Variants in ZNF618 observed in about 807,000 individuals in gnomAD.
ZNF618 encodes neural precursor cell expressed, developmentally down-regulated 10.
A neutral mutation model predicts 103.0 loss-of-function variants in ZNF618; 34 were observed. The ratio of observed to expected loss-of-function variants is 0.33; its 90% confidence interval spans 0.25 to 0.44. The LOEUF is 0.44. Among genes scored for constraint, ZNF618 ranks in the 20% least tolerant of loss-of-function variants. ZNF618 has a pLI of 1.00. For missense variants in ZNF618, 1,059 were observed against 1,295.4 expected, an observed-to-expected ratio of 0.82 and a Z score of 2.80; for synonymous variants, 551 against 542.2, an observed-to-expected ratio of 1.02 and a Z score of -0.23.
chr9:114,004,008 C>T (rs532267648), intron 6 of ZNF618, among the ~76,000 whole-genome samples: 6 of 152,214 alleles, frequency 3.9e-5, no homozygotes, highest in East Asian at 3.9e-4. Context: ...TGCCAATCCC[C>T]GTTCTATGGG....
chr9:114,031,146 C>T (rs1843992294), intron 11 of ZNF618, among the ~76,000 whole-genome samples: 1 of 152,176 alleles, frequency 6.6e-6, no homozygotes, highest in Non-Finnish European at 1.5e-5. Context: ...CCTCACAGGG[C>T]TTTTGGGAGA....
intron 10 of ZNF618, among the ~76,000 whole-genome samples, chr9:114,026,444 T>C (rs1235054847): frequency 1.3e-5 from 2 of 152,208 alleles, no homozygotes; most frequent in African/African-American, 4.8e-5. Context: ...GTAGACTCTG[T>C]AACGGGCTGA....
At chr9:113,953,928 A>G (rs1836007333) in intron 1 of ZNF618, among the ~76,000 whole-genome samples, 1 of 152,164 alleles carries the variant, frequency 6.6e-6, no homozygotes, top group Non-Finnish European at 1.5e-5. Flanking sequence ...AGTCCAGGCA[A>G]TAAGTGCTTT....
intron 1 of ZNF618, among the ~76,000 whole-genome samples, chr9:113,948,210 C>T (rs1188302340): frequency 1.3e-5 from 2 of 152,190 alleles, no homozygotes; most frequent in South Asian, 2.1e-4. Flanking sequence ...CAAGCATACT[C>T]CATCGCCATT....
In ZNF618 at chr9:114,048,745, G is replaced by A. The variant is rs201682920; in HGVS notation, c.1443G>A (p.Leu481=). 48 of 1,614,060 alleles carry A rather than the reference G, an allele frequency of 3.0e-5. No individual in the cohort carries two copies. In the Admixed American group the frequency reaches 7.8e-4, roughly 26 times the overall value. ...TGTTGAGGGTCATGTGTGCCGACCTGGGTGCACTGAGCGTGGTCAGCGGGA... is the reference window on the plus strand; with the variant it reads ...TGTTGAGGGTCATGTGTGCCGACCTAGGTGCACTGAGCGTGGTCAGCGGGA... ...ERLLRVMCAD[L]GALSVVSGKE... is the part of the protein sequence containing the mutation. Residue 481 remains leucine, a synonymous_variant, in exon 15 of 15, where the codon CTG becomes CTA. Coordinates refer to ENST00000374126, the MANE Select transcript of ZNF618 (RefSeq NM_001318042.2).
At chr9:113,944,742 GT>G (rs1423903588) in intron 1 of ZNF618, among the ~76,000 whole-genome samples, 5 of 152,172 alleles carry the variant, frequency 3.3e-5, no homozygotes, top group African/African-American at 1.2e-4. Flanking sequence ...TATCAAAAAT[GT>G]TATCAATTCA....
intron 1 of ZNF618, among the ~76,000 whole-genome samples, chr9:113,892,268 C>T (rs562355981): frequency 6.6e-5 from 10 of 152,230 alleles, no homozygotes; most frequent in East Asian, 3.9e-4. Context: ...CATAGAACTA[C>T]GAACATCCTC....
At chr9:114,000,677 C>T (rs2133613309) in intron 4 of ZNF618, among the ~76,000 whole-genome samples, 1 of 152,306 alleles carries the variant, frequency 6.6e-6, no homozygotes, top group South Asian at 2.1e-4. Context: ...GGTACACACT[C>T]AGGAAACGGG....
At chr9:114,048,230 G>A (rs1233396973) in intron 14 of ZNF618, among the ~76,000 whole-genome samples, 1 of 152,226 alleles carries the variant, frequency 6.6e-6, no homozygotes, top group African/African-American at 2.4e-5. Flanking sequence ...GCACCAATTT[G>A]TGGCAGAATC....
At chr9:113,940,112 T>C (rs1834414415) in intron 1 of ZNF618, among the ~76,000 whole-genome samples, 1 of 108,706 alleles carries the variant, frequency 9.2e-6, no homozygotes, top group African/African-American at 3.1e-5. Context: ...GTCTGCACTT[T>C]TTAATTTCTC....
chr9:114,015,030 AC>A (rs1842545545), intron 9 of ZNF618, among the ~76,000 whole-genome samples: 1 of 152,218 alleles, frequency 6.6e-6, no homozygotes, highest in Non-Finnish European at 1.5e-5. Flanking sequence ...TTAGTCTTTG[AC>A]AGAGCAAGTA....
chr9:113,932,674 T>C (rs1196238241), intron 1 of ZNF618, among the ~76,000 whole-genome samples: 2 of 152,110 alleles, frequency 1.3e-5, no homozygotes, highest in Non-Finnish European at 2.9e-5. Context: ...GAATTGAGGC[T>C]AACCCCAGTC....
At chr9:113,956,363 A>C (rs1807871874) in intron 1 of ZNF618, among the ~76,000 whole-genome samples, 1 of 152,144 alleles carries the variant, frequency 6.6e-6, no homozygotes, top group Non-Finnish European at 1.5e-5. Flanking sequence ...GTGACCTCAG[A>C]ATCTTTCTCA....
chr9:113,998,437 C>G, intron 4 of ZNF618, 83 bp downstream of exon 4: 1 of 1,280,210 alleles, frequency 7.8e-7, no homozygotes, highest in African/African-American at 1.5e-5. Flanking sequence ...AGTTACAGAC[C>G]TGAGTAAGCA....
intron 1 of ZNF618, among the ~76,000 whole-genome samples, chr9:113,913,955 G>A (rs994233187): frequency 1.3e-5 from 2 of 152,168 alleles, no homozygotes; most frequent in African/African-American, 4.8e-5. Context: ...AACACACTGT[G>A]TCTTAGAAAT....
At chr9:113,930,082 T>C (rs935810104) in intron 1 of ZNF618, among the ~76,000 whole-genome samples, 4 of 152,184 alleles carry the variant, frequency 2.6e-5, no homozygotes, top group Non-Finnish European at 5.9e-5. Context: ...GATAAACCAA[T>C]GGCCCTCATT....
chr9:113,929,093 C>T (rs182832263), intron 1 of ZNF618, among the ~76,000 whole-genome samples: 60 of 152,332 alleles, frequency 3.9e-4, no homozygotes, highest in Non-Finnish European at 2.4e-4. Flanking sequence ...ACTCCACATT[C>T]ATCTCACTGA....
chr9:113,921,759 T>C (rs1832671091), intron 1 of ZNF618, among the ~76,000 whole-genome samples: 1 of 152,206 alleles, frequency 6.6e-6, no homozygotes, highest in African/African-American at 2.4e-5. Context: ...AAATCCTTTT[T>C]TTGACTACTC....
At position 114,039,909 on chromosome 9, in the gene ZNF618, G is replaced by A. The variant is rs115742650; in HGVS notation, c.1246+3532G>A. 9.4e-3 allele frequency among the ~76,000 whole-genome samples: 1,422 copies of A among 150,862 alleles called. 30 individuals are homozygous for A. Among genetic ancestry groups the A allele is most frequent in the African/African-American group, 0.034 (1,356 of 40,244 alleles). Reference sequence around the variant, plus strand: ...GGGAAGCAACCTTTATTCCAGCTTCGCATCCAGCCCTTTACAAATGTACAT... The same window carrying A: ...GGGAAGCAACCTTTATTCCAGCTTCACATCCAGCCCTTTACAAATGTACAT... On this transcript the variant is annotated intron_variant, in intron 13 of 14. Transcript: ENST00000374126.
Sources: allele counts gnomAD v4.1 joint callset (sites outside exome capture counted in the v4.1 genomes callset), GRCh38; gene constraint gnomAD v4.1.1; transcripts MANE v1.5; gene names NCBI Gene and HGNC (gene_info 2026-07-23, HGNC 2026-07-21).